TDRD12: variants seen among roughly 807,000 people sequenced by gnomAD.
TDRD12 encodes tudor domain containing 12, also known as putative ATP-dependent RNA helicase TDRD12.
A neutral mutation model predicts 133.5 loss-of-function variants in TDRD12; 158 were observed. The ratio of observed to expected loss-of-function variants is 1.18; its 90% confidence interval spans 1.04 to 1.35. The LOEUF (loss-of-function observed/expected upper bound fraction) is 1.35. TDRD12 is among the 40% of genes most tolerant of loss of function. The probability of loss-of-function intolerance (pLI) is 0.00; values close to 1 mark genes in which losing one functional copy is unlikely to be tolerated. For missense variants in TDRD12, 1,443 were observed against 1,321.3 expected (o/e 1.09, Z -1.43); for synonymous variants, 460 against 477.9 (o/e 0.96, Z 0.49).
chr19:32,800,083 T>A, intron 16 of TDRD12, 84 bp from the exon 17 acceptor site: 1 of 844,686 alleles, frequency 1.2e-6, no homozygotes. Context: ...ACAGAAAATA[T>A]ACAAACCCTT....
At chr19:32,747,853 A>C (rs1007710702) in intron 4 of TDRD12, among the ~76,000 whole-genome samples, 1 of 152,112 alleles carries the variant, frequency 6.6e-6, no homozygotes, top group African/African-American at 2.4e-5. Context: ...TATTAAAAAA[A>C]AAATTTTTTT....
At chr19:32,802,388 C>G (rs1161818661) in intron 19 of TDRD12, among the ~76,000 whole-genome samples, 4 of 150,730 alleles carry the variant, frequency 2.7e-5, no homozygotes, top group Non-Finnish European at 5.9e-5. Context: ...ATATAAAAGT[C>G]AAAATATATA....
chr19:32,787,741 G>A (rs1052826859), intron 11 of TDRD12, among the ~76,000 whole-genome samples: 2 of 152,210 alleles, frequency 1.3e-5, no homozygotes, highest in African/African-American at 2.4e-5. Flanking sequence ...CGTGGGACCC[G>A]CCGAGCCAGG....
At chr19:32,731,422 C>T (rs1040295564) in intron 1 of TDRD12, among the ~76,000 whole-genome samples, 1 of 151,572 alleles carries the variant, frequency 6.6e-6, no homozygotes, top group African/African-American at 2.4e-5. Context: ...TTTTTTTTAA[C>T]AAACAAAAGT....
intron 11 of TDRD12, among the ~76,000 whole-genome samples, 190 bp downstream of exon 11, chr19:32,777,419 T>C (rs2145615338): frequency 6.6e-6 from 1 of 152,272 alleles, no homozygotes; most frequent in Non-Finnish European, 1.5e-5. Flanking sequence ...CATTTTTCTG[T>C]TTAAAGCTTT....
chr19:32,736,612 G>A (rs1363505315), intron 2 of TDRD12, among the ~76,000 whole-genome samples: 3 of 152,160 alleles, frequency 2.0e-5, no homozygotes, highest in African/African-American at 2.4e-5. Context: ...TGAATTATTC[G>A]AGTTTTGAGT....
chr19:32,723,949 C>G (rs930054516), intron 1 of TDRD12, among the ~76,000 whole-genome samples: 4 of 152,180 alleles, frequency 2.6e-5, no homozygotes, highest in African/African-American at 9.7e-5. Context: ...CCTCAAACTC[C>G]TGGGCTCAAG....
At chr19:32,771,568 A>G (rs1970443814) in intron 8 of TDRD12, among the ~76,000 whole-genome samples, 1 of 150,180 alleles carries the variant, frequency 6.7e-6, no homozygotes, top group Non-Finnish European at 1.5e-5. Context: ...TCAGATGTGG[A>G]TATTTCTCTC....
intron 8 of TDRD12, among the ~76,000 whole-genome samples, chr19:32,769,291 G>A (rs920894929): frequency 2.6e-5 from 4 of 152,174 alleles, no homozygotes; most frequent in Non-Finnish European, 4.4e-5. Flanking sequence ...TGTGAGGTAA[G>A]GGTCAGGATT....
chr19:32,791,081 G>C lies in TDRD12; in HGVS notation c.1287+13G>C. ...AGACCTGAAGAAGGTAAAAGTGCTC[G>C]TAAAACTGAATTTATCAAGAATGCC... On this transcript the variant is annotated intron_variant, in intron 13 of 27. Coordinates refer to ENST00000444215, the Ensembl canonical transcript of TDRD12. The C allele has an allele frequency of 6.6e-7, 1 of 1,524,364 alleles. No individual in the cohort carries two copies. The highest frequency in any genetic ancestry group is 1.2e-5 in the South Asian group (1 of 82,666). 94.4% of individuals were successfully genotyped at this position (1,524,364 alleles called of 1,614,324 possible).
intron 2 of TDRD12, among the ~76,000 whole-genome samples, chr19:32,736,727 G>A (rs758381881): frequency 1.3e-5 from 2 of 152,210 alleles, no homozygotes; most frequent in Non-Finnish European, 2.9e-5. Context: ...CTTTCTGTCT[G>A]AGCGCAGCTC....
At chr19:32,755,110 G>A (rs1969953650) in intron 6 of TDRD12, among the ~76,000 whole-genome samples, 1 of 149,506 alleles carries the variant, frequency 6.7e-6, no homozygotes, top group African/African-American at 2.5e-5. Context: ...GTTTGTTGTT[G>A]TTGCCAAGTC....
At chr19:32,796,384 A>G (rs1432342012) in intron 14 of TDRD12, among the ~76,000 whole-genome samples, 1 of 152,126 alleles carries the variant, frequency 6.6e-6, no homozygotes, top group East Asian at 1.9e-4. Context: ...ATCGAGATCG[A>G]GACTATCCTG....
chr19:32,800,679 T>G, exon 18 of TDRD12: 1 of 1,535,726 alleles, frequency 6.5e-7, no homozygotes, highest in Non-Finnish European at 8.7e-7. Context: ...AAAAAACTTC[T>G]TCTTTACTCC....
chr19:32,792,569 A>T (rs1164380505), intron 13 of TDRD12, among the ~76,000 whole-genome samples: 1 of 152,206 alleles, frequency 6.6e-6, no homozygotes, highest in East Asian at 1.9e-4. Flanking sequence ...CGGAAATAGG[A>T]GGAAAAATTT....
chr19:32,743,821 G>T (rs967508448), intron 4 of TDRD12, among the ~76,000 whole-genome samples: 1 of 152,034 alleles, frequency 6.6e-6, no homozygotes, highest in African/African-American at 2.4e-5. Flanking sequence ...CTGAGGTCAG[G>T]AGTTCAAGAC....
At chr19:32,827,376 T>TCTTTC (rs1555779727) in exon 10 of TDRD12, 40 of 337,344 alleles carry the variant, frequency 1.2e-4, no homozygotes, top group Non-Finnish European at 1.5e-4. Context: ...TCTTTTCTTT[T>TCTTTC]TTTTTTTTTT....
chr19:32,818,132 C>G (rs1235509665), exon 27 of TDRD12: 17 of 702,426 alleles, frequency 2.4e-5, no homozygotes, highest in Middle Eastern at 2.3e-4. Context: ...CCAGGATCAT[C>G]CATCCGAGGA....
chr19:32,753,859 A>C (rs1026147846), intron 6 of TDRD12, among the ~76,000 whole-genome samples: 2 of 146,776 alleles, frequency 1.4e-5, no homozygotes, highest in Non-Finnish European at 3.0e-5. Context: ...TGAGAAACCT[A>C]CTCTCGTTGG....
Sources: allele counts gnomAD v4.1 joint callset (sites outside exome capture counted in the v4.1 genomes callset), GRCh38; gene constraint gnomAD v4.1.1; transcripts MANE v1.5; gene names NCBI Gene and HGNC (gene_info 2026-07-23, HGNC 2026-07-21).